Variants in SEPTIN2 observed in about 807,000 individuals in gnomAD.
SEPTIN2 encodes septin 2.
In SEPTIN2, 34 loss-of-function variants were observed where a neutral mutation model predicts 46.5. The ratio of observed to expected loss-of-function variants is 0.73; its 90% CI spans 0.56 to 0.97. The LOEUF is 0.97. Ranked by LOEUF, SEPTIN2 falls within the 50% of genes least tolerant of loss-of-function variation. SEPTIN2 has a pLI of 0.00. For synonymous variants in SEPTIN2, 175 were observed against 153.4 expected (o/e 1.14, Z -1.04); for missense variants, 347 against 448.4 (o/e 0.77, Z 2.04).
chr2:241,340,392 C>T (rs925796310), intron 7 of SEPTIN2, among the ~76,000 whole-genome samples: 6 of 152,074 alleles, frequency 3.9e-5, no homozygotes, highest in Admixed American at 2.6e-4. Flanking sequence ...GTTTGACTTT[C>T]ATTTTTTCAC....
At position 241,324,221 on chromosome 2, in the gene SEPTIN2, G is replaced by A. The variant is rs376200999; in HGVS notation, c.-12G>A. 18 of 1,609,996 alleles carry A rather than the reference G, an allele frequency of 1.1e-5. No individual in the cohort carries two copies. The highest frequency in any genetic ancestry group is 1.4e-5 in the Non-Finnish European group (17 of 1,178,694). ...GTGTGTTTTTTTTTTAACAGACGAA[G>A]CTTCACAAAAGATGTCTAAGGTAAG... On this transcript the variant is annotated 5_prime_UTR_variant, in exon 2 of 13. Coordinates refer to ENST00000391971, the MANE Select transcript of SEPTIN2 (RefSeq NM_004404.5).
chr2:241,335,844 A>T (rs1213401944), intron 4 of SEPTIN2, 131 bp from the exon 5 acceptor site: 1 of 1,139,104 alleles, frequency 8.8e-7, no homozygotes, highest in Non-Finnish European at 1.3e-6. Context: ...TTTTTTCTTA[A>T]TCCCCATGGT....
intron 1 of SEPTIN2, chr2:241,316,677 G>A (rs1414765309): frequency 1.6e-6 from 1 of 613,932 alleles, no homozygotes; most frequent in African/African-American, 1.9e-5. Context: ...CTGGCCTACT[G>A]GCCCAGACAA....
Position 241,316,122 on chromosome 2 carries a change from G to GA in SEPTIN2, c.-18+140_-18+141insA, listed in dbSNP as rs372539051. On this transcript the variant is annotated intron_variant, in intron 1 of 12. Transcript: ENST00000391971. ...GCCGGCGGGGCGGTGTGGGGGAGGG[G>GA]CGGCCGAGCCCAGGCTCTTCGGCAC... 4.5e-3 allele frequency: 814 copies of GA among 179,722 alleles called. 3 individuals carry two copies. Among genetic ancestry groups the GA allele is most frequent in the African/African-American group, 0.018 (767 of 42,694 alleles). The allele number at this position is 179,722 out of a possible 1,614,324, so 11.1% of individuals were successfully genotyped here. A position where few individuals can be genotyped will look rare whatever the true frequency, so the allele number is the denominator to read the frequency against.
intron 5 of SEPTIN2, chr2:241,337,093 CAAA>C: frequency 1.2e-5 from 3 of 244,258 alleles, no homozygotes; most frequent in Non-Finnish European, 1.5e-5. Context: ...GACTCAGTCT[CAAA>C]AAAAAAAAGA....
intron 7 of SEPTIN2, among the ~76,000 whole-genome samples, chr2:241,339,020 T>C (rs2080866043): frequency 8.5e-6 from 1 of 117,060 alleles, no homozygotes; most frequent in African/African-American, 3.2e-5. Flanking sequence ...TATTTATACA[T>C]TATATTTATA....
At chr2:241,316,751 C>A (rs944017641) in intron 1 of SEPTIN2, 2 of 431,036 alleles carry the variant, frequency 4.6e-6, no homozygotes, top group Non-Finnish European at 8.3e-6. Context: ...CTTGTCCTCT[C>A]TCCACGGAAA....
In SEPTIN2 at chr2:241,329,349, C is replaced by T. The variant is rs1472592456; in HGVS notation, c.130+3236C>T. Among the ~76,000 whole-genome samples, 7 of 152,034 alleles carry T rather than the reference C, an allele frequency of 4.6e-5. No individual in the cohort carries two copies. The East Asian group carries it at 5.8e-4, about 13-fold the overall frequency. ...TTCACCGTGTTAGCCATGATGGTCT[C>T]GATCTCCTGACTTCGTGATCCGCCC... On this transcript the variant is annotated intron_variant, in intron 3 of 12. Transcript: ENST00000391971.
chr2:241,317,183 A>C (rs2076461391), intron 1 of SEPTIN2: 1 of 152,284 alleles, frequency 6.6e-6, no homozygotes, highest in Non-Finnish European at 1.5e-5. Context: ...CATTGTTTTC[A>C]GTGATTTTTG....
chr2:241,329,104 G>A (rs370467956), intron 3 of SEPTIN2, among the ~76,000 whole-genome samples: 2 of 152,122 alleles, frequency 1.3e-5, no homozygotes, highest in Non-Finnish European at 2.9e-5. Flanking sequence ...TTTTGTTGTT[G>A]TTGTTGTTTT....
At chr2:241,322,956 T>A (rs548705246) in intron 1 of SEPTIN2, among the ~76,000 whole-genome samples, 15 of 152,230 alleles carry the variant, frequency 9.9e-5, no homozygotes, top group African/African-American at 2.4e-4. Context: ...TGAAAAAAAA[T>A]TTGAATATTA....
intron 10 of SEPTIN2, chr2:241,346,635 C>T (rs972707337): frequency 6.5e-6 from 1 of 153,962 alleles, no homozygotes; most frequent in Non-Finnish European, 1.4e-5. Flanking sequence ...TGGCACACAC[C>T]TATAATCCCA....
In SEPTIN2 at chr2:241,335,115, T is replaced by C. The variant is rs1212015727; in HGVS notation, c.131-11T>C. 6.2e-7 allele frequency: 1 copy of C among 1,600,696 alleles called. No individual in the cohort carries two copies. Among genetic ancestry groups the C allele is most frequent in the Non-Finnish European group, 8.6e-7 (1 of 1,168,984 alleles). ...ATAAGGTCATGACAAGGTTTTTCTT[T>C]TTATTTAAAGGTGAATCAGGTCTAG... On this transcript the variant is annotated splice_polypyrimidine_tract_variant and intron_variant, in intron 3 of 12. Transcript: ENST00000391971.
intron 1 of SEPTIN2, chr2:241,317,714 C>A: frequency 1.5e-5 from 3 of 203,970 alleles, no homozygotes; most frequent in Non-Finnish European, 2.6e-5. Flanking sequence ...TCCCCGAATC[C>A]AAAGAATCCA....
intron 7 of SEPTIN2, among the ~76,000 whole-genome samples, chr2:241,338,427 C>T (rs909242595): frequency 6.6e-6 from 1 of 150,954 alleles, no homozygotes; most frequent in East Asian, 1.9e-4. Flanking sequence ...CCGGTACGTG[C>T]ATAAAAATAC....
At chr2:241,330,080 G>A (rs2078739271) in intron 3 of SEPTIN2, among the ~76,000 whole-genome samples, 1 of 152,200 alleles carries the variant, frequency 6.6e-6, no homozygotes, top group Non-Finnish European at 1.5e-5. Context: ...AGCCTTTAAA[G>A]AGGAGCCTCT....
At chr2:241,346,639 A>C (rs2060263050) in intron 10 of SEPTIN2, 1 of 153,982 alleles carries the variant, frequency 6.5e-6, no homozygotes, top group Admixed American at 6.5e-5. Context: ...ACACACCTAT[A>C]ATCCCAGCTA....
At chr2:241,322,485 T>C (rs944193182) in intron 1 of SEPTIN2, among the ~76,000 whole-genome samples, 8 of 151,736 alleles carry the variant, frequency 5.3e-5, no homozygotes, top group Non-Finnish European at 1.2e-4. Flanking sequence ...CGGGCGCCTG[T>C]AGTCCCAGCT....
At chr2:241,339,599 C>CT (rs1418343690) in intron 7 of SEPTIN2, among the ~76,000 whole-genome samples, 7 of 152,176 alleles carry the variant, frequency 4.6e-5, no homozygotes, top group African/African-American at 7.2e-5. Flanking sequence ...TGAATATACT[C>CT]TAACTTGTCC....
Sources: allele counts gnomAD v4.1 joint callset (sites outside exome capture counted in the v4.1 genomes callset), GRCh38; gene constraint gnomAD v4.1.1; transcripts MANE v1.5; gene names NCBI Gene and HGNC (gene_info 2026-07-23, HGNC 2026-07-21).